The following PCDHGA1 variants were observed in gnomAD, a reference collection of about 807,000 sequenced individuals.
The protein encoded by PCDHGA1 is protocadherin gamma-A1.
Under a neutral mutation model 58.0 loss-of-function variants are expected in PCDHGA1, and 32 were observed. That is an observed-to-expected ratio of 0.55 (90% CI 0.42 to 0.74). PCDHGA1 has a LOEUF of 0.74. PCDHGA1 is among the 30% of genes least tolerant of loss of function. The pLI, the probability that PCDHGA1 is intolerant of heterozygous loss-of-function variation, is 0.00. For synonymous variants in PCDHGA1, 498 were observed against 501.1 expected (o/e 0.99, Z 0.08); for missense variants, 1,205 against 1,182.3 (o/e 1.02, Z -0.28).
At chr5:141,403,209 C>T (rs1247618991) in intron 1 of PCDHGA1, 2 of 1,613,982 alleles carry the variant, frequency 1.2e-6, no homozygotes, top group Admixed American at 1.7e-5. Context: ...ACCTTGGTCA[C>T]CGCGGGTAGG....
At chr5:141,401,255 T>C (rs56773894) in intron 1 of PCDHGA1, among the ~76,000 whole-genome samples, 18,026 of 152,078 alleles carry the variant, frequency 0.12, 1,226 homozygotes, top group African/African-American at 0.18. Flanking sequence ...GACAGGAGAA[T>C]TGCTTGAACC....
In PCDHGA1 at chr5:141,489,077, C is replaced by CCCCCCACCGGG; in HGVS notation, c.2422-5730_2422-5729insCCCCCACCGGG. ...AGCTCCCCTCCCCCCTGCCCACCCCCGCCACTCGGTGACTAAGAACTGCTG... is the reference window on the plus strand; with the variant it reads ...AGCTCCCCTCCCCCCTGCCCACCCCCCCCCCACCGGGGCCACTCGGTGACTAAGAACTGCTG... On this transcript the variant is annotated intron_variant, in intron 1 of 3. Transcript: ENST00000517417. The surrounding 1 kb of genome is among the most constrained non-coding windows in gnomAD (Gnocchi z 4.5). 6.1e-6 allele frequency: 2 copies of CCCCCCACCGGG among 325,756 alleles called. No individual in the cohort carries two copies. Among genetic ancestry groups the CCCCCCACCGGG allele is most frequent in the Non-Finnish European group, 5.5e-6 (1 of 181,460 alleles). The allele number at this position is 325,756 out of a possible 1,614,324, so 20.2% of individuals were successfully genotyped here.
chr5:141,469,283 T>C (rs576231993), intron 1 of PCDHGA1, among the ~76,000 whole-genome samples: 1 of 149,898 alleles, frequency 6.7e-6, no homozygotes, highest in African/African-American at 2.5e-5. Flanking sequence ...TCTCAAAAAA[T>C]AAAACAAAAT....
At chr5:141,360,594 A>G in intron 1 of PCDHGA1, 1 of 1,614,032 alleles carries the variant, frequency 6.2e-7, no homozygotes, top group Non-Finnish European at 8.5e-7. Context: ...CAACATTTCC[A>G]CTTGACCCAG....
intron 1 of PCDHGA1, chr5:141,344,576 T>C (rs1369955498): frequency 6.2e-7 from 1 of 1,613,990 alleles, no homozygotes; most frequent in South Asian, 1.1e-5. Flanking sequence ...TCTCTCTGGC[T>C]GTGAATAGCG....
intron 1 of PCDHGA1, chr5:141,360,597 T>G: frequency 6.2e-7 from 1 of 1,614,020 alleles, no homozygotes; most frequent in Non-Finnish European, 8.5e-7. Context: ...CATTTCCACT[T>G]GACCCAGCCC....
intron 1 of PCDHGA1, among the ~76,000 whole-genome samples, chr5:141,444,462 C>T (rs1314366280): frequency 3.3e-5 from 5 of 152,002 alleles, no homozygotes; most frequent in African/African-American, 9.7e-5. Flanking sequence ...TGAGTCACTG[C>T]GCCCGGTCGC....
rs779535322 is a variant in PCDHGA1 at position 141,398,516 on chromosome 5, C to A, written c.2421+65411C>A. ...GAGATCGAGGACATTAATGACCACACGCCAAAATTCACGCAAAATTCCTTT... is the reference window on the plus strand; with the variant it reads ...GAGATCGAGGACATTAATGACCACAAGCCAAAATTCACGCAAAATTCCTTT... On this transcript the variant is annotated intron_variant, in intron 1 of 3. Coordinates refer to ENST00000517417, the MANE Select transcript of PCDHGA1 (RefSeq NM_018912.3). The A allele has an allele frequency of 1.9e-6, 3 of 1,598,584 alleles. No individual in the cohort carries two copies. The South Asian group carries it at 3.3e-5, about 18-fold the overall frequency.
rs187495695 is a variant in PCDHGA1, at chr5:141,486,508, T to G, written c.2422-8299T>G. The G allele has an allele frequency of 9.3e-6, 15 of 1,614,172 alleles. No homozygotes were observed. In the Admixed American group the frequency reaches 2.5e-4, roughly 27 times the overall value. The stretch of plus-strand genomic sequence containing the variant: ...CCCACAGAACTATTTTCCTCAATAT[T>G]TCAGATGTGAATGATAATCCACCCT... On this transcript the variant is annotated intron_variant, in intron 1 of 3. Coordinates refer to ENST00000517417, the MANE Select transcript of PCDHGA1 (RefSeq NM_018912.3). The surrounding 1 kb of genome is among the most constrained non-coding windows in gnomAD (Gnocchi z 5.0).
intron 1 of PCDHGA1, among the ~76,000 whole-genome samples, chr5:141,475,215 T>C (rs768665396): frequency 2.6e-5 from 4 of 152,176 alleles, no homozygotes; most frequent in Non-Finnish European, 5.9e-5. Flanking sequence ...AAAGGATTGA[T>C]CAAGTAAAGG....
chr5:141,460,377 T>C (rs1592666836), intron 1 of PCDHGA1, among the ~76,000 whole-genome samples: 1 of 152,342 alleles, frequency 6.6e-6, no homozygotes, highest in Non-Finnish European at 1.5e-5. Flanking sequence ...AGTTTTACCA[T>C]TTATAATTTG....
intron 1 of PCDHGA1, chr5:141,400,578 T>C: frequency 6.2e-7 from 1 of 1,610,934 alleles, no homozygotes; most frequent in Non-Finnish European, 8.5e-7. Context: ...TTTCTGTATT[T>C]ACATGAAACT....
chr5:141,343,543 A>C (rs1245784122), intron 1 of PCDHGA1, among the ~76,000 whole-genome samples: 1 of 152,214 alleles, frequency 6.6e-6, no homozygotes, highest in Non-Finnish European at 1.5e-5. Flanking sequence ...TGTTTCTTAA[A>C]CTGAACAATT....
In PCDHGA1 at chr5:141,489,180, C is replaced by T. The variant is rs942218118; in HGVS notation, c.2422-5627C>T. 7.9e-7 allele frequency: 1 copy of T among 1,259,748 alleles called. No homozygotes were observed. The highest frequency in any genetic ancestry group is 2.0e-4 in the Middle Eastern group (1 of 5,096). The allele number at this position is 1,259,748 out of a possible 1,614,324, so 78.0% of individuals were successfully genotyped here. A position where few individuals can be genotyped will look rare whatever the true frequency, so the allele number is the denominator to read the frequency against. On this transcript the variant is annotated intron_variant, in intron 1 of 3. Coordinates refer to ENST00000517417, the MANE Select transcript of PCDHGA1 (RefSeq NM_018912.3). This position sits in a 1 kb window ranked among gnomAD's most constrained non-coding sequence, Gnocchi z 4.5. ...GACTTCAGCTGCTGCATTCCAAGCCCTGGGTCTACCTTGGAGACAGGACAG... is the reference window on the plus strand; with the variant it reads ...GACTTCAGCTGCTGCATTCCAAGCCTTGGGTCTACCTTGGAGACAGGACAG...
chr5:141,423,177 C>G (rs748689237), intron 1 of PCDHGA1: 7 of 1,613,430 alleles, frequency 4.3e-6, no homozygotes, highest in Non-Finnish European at 5.1e-6. Context: ...TCCAGGACCA[C>G]GGCCAGCCCC....
Position 141,489,565 on chromosome 5 carries a change from G to C in PCDHGA1, c.2422-5242G>C. The C allele has an allele frequency of 6.2e-7, 1 of 1,614,118 alleles. No homozygotes were observed. ...CAGCTGCCTGCTGCCAGTGCAGGTGGTGACTGAACACCCCCTGGAGCTAAT... is the reference window on the plus strand; with the variant it reads ...CAGCTGCCTGCTGCCAGTGCAGGTGCTGACTGAACACCCCCTGGAGCTAAT... On this transcript the variant is annotated intron_variant, in intron 1 of 3. Coordinates refer to ENST00000517417, the MANE Select transcript of PCDHGA1 (RefSeq NM_018912.3). This position sits in a 1 kb window ranked among gnomAD's most constrained non-coding sequence, Gnocchi z 4.5.
chr5:141,439,629 A>G (rs1262264623), intron 1 of PCDHGA1, among the ~76,000 whole-genome samples: 1 of 152,208 alleles, frequency 6.6e-6, no homozygotes, highest in East Asian at 1.9e-4. Flanking sequence ...CAATCCCCAG[A>G]CATTCCGGCT....
intron 1 of PCDHGA1, among the ~76,000 whole-genome samples, chr5:141,480,875 T>C (rs1285607270): frequency 6.6e-6 from 1 of 152,062 alleles, no homozygotes; most frequent in African/African-American, 2.4e-5. Context: ...TGAAACCCCG[T>C]CTCTACTAAA....
At chr5:141,335,078 A>G (rs1186817111) in intron 1 of PCDHGA1, among the ~76,000 whole-genome samples, 5 of 152,074 alleles carry the variant, frequency 3.3e-5, no homozygotes, top group African/African-American at 9.7e-5. Flanking sequence ...ACTATTGAAG[A>G]CTTTCTCTCA....
Sources: gnomAD v4.1 joint callset for allele counts (sites outside exome capture counted in the v4.1 genomes callset) on GRCh38, gnomAD v4.1.1 for gene constraint, Gnocchi (gnomAD v3.1) non-coding constraint, MANE v1.5 for transcripts, NCBI Gene and HGNC (gene_info 2026-07-23, HGNC 2026-07-21) for gene names.